The following ASH2L variants were observed in gnomAD, a reference collection of about 807,000 sequenced individuals.
ASH2L encodes set1/Ash2 histone methyltransferase complex subunit ASH2.
A neutral mutation model predicts 81.1 loss-of-function variants in ASH2L; 30 were observed. The observed-to-expected ratio is 0.37, with a 90% CI of 0.28 to 0.50. The LOEUF is 0.50. Among genes scored for constraint, ASH2L ranks in the 20% least tolerant of loss-of-function variants. The probability of loss-of-function intolerance (pLI) is 0.95; values close to 1 mark genes in which losing one functional copy is unlikely to be tolerated. For synonymous variants in ASH2L, 273 were observed against 279.9 expected (o/e 0.98, Z 0.24); for missense variants, 559 against 792.1 (o/e 0.71, Z 3.53).
At chr8:38,138,057 C>T (rs1035762068) in intron 14 of ASH2L, 4 of 152,088 alleles carry the variant, frequency 2.6e-5, no homozygotes, top group African/African-American at 7.2e-5. Flanking sequence ...ATAAGAGAAT[C>T]AGTTGAGCCC....
chr8:38,137,698 A>G (rs1201512521), intron 14 of ASH2L: 1 of 152,242 alleles, frequency 6.6e-6, no homozygotes, highest in Admixed American at 6.5e-5. Context: ...ACTGCACTCC[A>G]GCCTGGTGAC....
intron 5 of ASH2L, among the ~76,000 whole-genome samples, chr8:38,112,192 G>A (rs1445808828): frequency 1.3e-5 from 2 of 152,086 alleles, no homozygotes; most frequent in Non-Finnish European, 2.9e-5. Context: ...AATTTTTTGT[G>A]GAGATGTGGT....
In ASH2L at chr8:38,121,530, A is replaced by G. The variant is rs532775982; in HGVS notation, c.1165+381A>G. Among the ~76,000 whole-genome samples the G allele has an allele frequency of 2.0e-5, 3 of 152,128 alleles. No individual in the cohort carries two copies. The East Asian group carries it at 5.8e-4, about 29-fold the overall frequency. The stretch of plus-strand genomic sequence containing the variant: ...AACTGGGAAATTAACATTGGTAAAT[A>G]TTATCAACACAACTAGAGAAAGACC... On this transcript the variant is annotated intron_variant, in intron 10 of 15. Transcript: ENST00000343823.
At chr8:38,119,396 A>G (rs998565337) in intron 9 of ASH2L, 33 bp downstream of exon 9, 30 of 1,464,222 alleles carry the variant, frequency 2.0e-5, no homozygotes, top group Non-Finnish European at 2.5e-5. Flanking sequence ...CCCCCTCACT[A>G]TTTAAGTATT....
intron 12 of ASH2L, among the ~76,000 whole-genome samples, chr8:38,131,492 A>G (rs1802055653): frequency 6.6e-6 from 1 of 152,216 alleles, no homozygotes; most frequent in Non-Finnish European, 1.5e-5. Context: ...AAAAAAATAC[A>G]AAAATTAGTT....
chr8:38,139,073 C>G lies in ASH2L; in HGVS notation c.*2C>G. 6.3e-7 allele frequency: 1 copy of G among 1,575,548 alleles called. No individual in the cohort carries two copies. ...CGCAGTCCCCCATGGGAACCCTGAC[C>G]AGGTCCCTCTTTTCTGTCAAGGACT... On this transcript the variant is annotated 3_prime_UTR_variant, in exon 16 of 16. Coordinates refer to ENST00000343823, the MANE Select transcript of ASH2L (RefSeq NM_004674.5).
intron 8 of ASH2L, chr8:38,119,041 C>A: frequency 2.3e-6 from 1 of 429,552 alleles, no homozygotes. Context: ...ACCCAACCAT[C>A]ATAGTGCTGG....
chr8:38,105,542 G>C lies in ASH2L; in HGVS notation c.-9G>C, dbSNP rs559568518. ...GAGTATTCTCGCGAGAAGTCCAGGG[G>C]TGGCCGTGATGGCGGCGGCAGGAGC... is the stretch of plus-strand genomic sequence containing the variant. On this transcript the variant is annotated 5_prime_UTR_variant, in exon 1 of 16. Coordinates refer to ENST00000343823, the MANE Select transcript of ASH2L (RefSeq NM_004674.5). 6.4e-7 allele frequency: 1 copy of C among 1,555,988 alleles called. No individual in the cohort carries two copies. Among genetic ancestry groups the C allele is most frequent in the South Asian group, 1.2e-5 (1 of 86,170 alleles).
Position 38,116,655 on chromosome 8 carries a change from T to A in ASH2L, c.783T>A (p.Leu261=), listed in dbSNP as rs1005691944. 3 of 1,611,424 alleles carry A rather than the reference T, an allele frequency of 1.9e-6. No homozygotes were observed. Among genetic ancestry groups the A allele is most frequent in the African/African-American group, 2.7e-5 (2 of 74,798 alleles). ...YPKFGLLDQD[L]SNIGPAYDNQ... ...AATTGGATGTATTTTTGCAGGACCT[T>A]AGTAACATTGGTCCTGCTTATGACA... Residue 261 remains leucine, a synonymous_variant, in exon 8 of 16, where the codon CTT becomes CTA. Transcript: ENST00000343823.
chr8:38,108,322 G>C (rs1394513286), intron 3 of ASH2L, among the ~76,000 whole-genome samples: 1 of 152,126 alleles, frequency 6.6e-6, no homozygotes, highest in Non-Finnish European at 1.5e-5. Context: ...GCCTAAGATA[G>C]GGCCACTTTT....
chr8:38,109,683 C>T (rs1413716414), intron 3 of ASH2L, among the ~76,000 whole-genome samples: 2 of 152,186 alleles, frequency 1.3e-5, no homozygotes, highest in South Asian at 2.1e-4. Flanking sequence ...GTGATCCATG[C>T]GCCTTGGCCT....
chr8:38,116,930 C>T (rs990606881), intron 8 of ASH2L, among the ~76,000 whole-genome samples: 9 of 152,188 alleles, frequency 5.9e-5, no homozygotes, highest in African/African-American at 2.2e-4. Context: ...ACAGTTTGGT[C>T]TTGAGTGAGA....
At chr8:38,125,555 C>A (rs948579415) in intron 10 of ASH2L, among the ~76,000 whole-genome samples, 11 of 151,324 alleles carry the variant, frequency 7.3e-5, no homozygotes, top group Admixed American at 5.9e-4. Flanking sequence ...TTGCAGTGAG[C>A]CGAGATCGCG....
intron 12 of ASH2L, among the ~76,000 whole-genome samples, chr8:38,132,241 A>T (rs1802091063): frequency 6.6e-6 from 1 of 152,216 alleles, no homozygotes. Flanking sequence ...GGCAGGGGAA[A>T]CTGGGTATAA....
At chr8:38,128,492 G>T in intron 11 of ASH2L, 34 bp downstream of exon 11, 3 of 1,604,598 alleles carry the variant, frequency 1.9e-6, no homozygotes, top group Non-Finnish European at 2.5e-6. Flanking sequence ...CATCACAGCA[G>T]ATAGAGAGGA....
At chr8:38,122,137 A>T in intron 10 of ASH2L, among the ~76,000 whole-genome samples, 1 of 152,116 alleles carries the variant, frequency 6.6e-6, no homozygotes, top group East Asian at 1.9e-4. Flanking sequence ...ATAATCCAAT[A>T]CTTTGATTAT....
At chr8:38,137,402 A>G (rs1298839685) in intron 14 of ASH2L, 1 of 151,290 alleles carries the variant, frequency 6.6e-6, no homozygotes, top group Admixed American at 6.6e-5. Context: ...AAAAAAAAAA[A>G]AAAGAAAAAA....
chr8:38,116,150 G>T (rs1810886297), intron 7 of ASH2L, among the ~76,000 whole-genome samples: 1 of 152,236 alleles, frequency 6.6e-6, no homozygotes, highest in Admixed American at 6.5e-5. Context: ...ATCACCTGAG[G>T]TCAGGAGTTT....
intron 1 of ASH2L, chr8:38,106,056 A>C (rs1312220787): frequency 6.6e-7 from 1 of 1,525,602 alleles, no homozygotes; most frequent in African/African-American, 1.4e-5. Flanking sequence ...GCAGTGCCAG[A>C]CTGGAAGAAG....
Sources: allele counts gnomAD v4.1 joint callset (sites outside exome capture counted in the v4.1 genomes callset), GRCh38; gene constraint gnomAD v4.1.1; transcripts MANE v1.5; gene names NCBI Gene and HGNC (gene_info 2026-07-23, HGNC 2026-07-21).